The following TBCK variants were observed in gnomAD, a reference collection of about 807,000 sequenced individuals.
TBCK encodes TBC domain-containing protein kinase-like protein.
Under a neutral mutation model 113.4 loss-of-function variants are expected in TBCK, and 99 were observed. That is an observed-to-expected ratio of 0.87 (90% CI 0.74 to 1.03). TBCK has a LOEUF of 1.03. Among genes scored for constraint, TBCK ranks in the 50% least tolerant of loss-of-function variants. The pLI is 0.00. For synonymous variants in TBCK, 369 were observed against 370.8 expected, an observed-to-expected ratio of 1.00 and a Z score of 0.05; for missense variants, 1,045 against 1,061.3, an observed-to-expected ratio of 0.98 and a Z score of 0.21.
chr4:106,179,743 T>C (rs1311281851), intron 22 of TBCK, among the ~76,000 whole-genome samples: 1 of 152,074 alleles, frequency 6.6e-6, no homozygotes, highest in Non-Finnish European at 1.5e-5. Flanking sequence ...TCTGTAAATG[T>C]CTGTTAGGTC....
chr4:106,048,675 A>G (rs1186959910), intron 25 of TBCK, among the ~76,000 whole-genome samples: 1 of 152,162 alleles, frequency 6.6e-6, no homozygotes, highest in African/African-American at 2.4e-5. Context: ...ACATAACATT[A>G]CTGAAAAAGC....
intron 25 of TBCK, among the ~76,000 whole-genome samples, chr4:106,073,538 T>C (rs1737767737): frequency 6.6e-6 from 1 of 152,232 alleles, no homozygotes; most frequent in Non-Finnish European, 1.5e-5. Context: ...CAGCCCCTAC[T>C]GGGAGGTATC....
chr4:106,289,423 G>A (rs1181541871), intron 3 of TBCK, among the ~76,000 whole-genome samples: 1 of 152,106 alleles, frequency 6.6e-6, no homozygotes, highest in Non-Finnish European at 1.5e-5. Flanking sequence ...TAAACAAAGA[G>A]CAATAGTAGG....
chr4:106,267,469 C>T (rs1483277340), intron 3 of TBCK, among the ~76,000 whole-genome samples: 1 of 151,830 alleles, frequency 6.6e-6, no homozygotes, highest in Non-Finnish European at 1.5e-5. Context: ...GATTTACAAA[C>T]TGATAATTAT....
In TBCK at chr4:106,045,079, T is replaced by C; in HGVS notation, c.*1491A>G. The C allele has an allele frequency of 6.8e-6, 1 of 147,358 alleles. No individual in the cohort carries two copies. The highest frequency in any genetic ancestry group is 1.5e-5 in the Non-Finnish European group (1 of 67,242). The allele number at this position is 147,358 out of a possible 1,614,324, so 9.1% of individuals were successfully genotyped here. On this transcript the variant is annotated 3_prime_UTR_variant, in exon 26 of 26. Coordinates refer to ENST00000394708, the MANE Select transcript of TBCK (RefSeq NM_001163435.3). ...TTTCTTTTTTTTTTTTTTTTTGAGA[T>C]GGCAGGGTGAGCCCTGTTGCCCAGG...
chr4:106,247,544 C>T (rs1179448978), intron 9 of TBCK: 2 of 324,812 alleles, frequency 6.2e-6, no homozygotes, highest in Non-Finnish European at 1.1e-5. Flanking sequence ...AAAGCTTCTG[C>T]ATTGTTTACT....
rs935548039 is a variant in TBCK at position 106,137,571 on chromosome 4, A to C, written c.2236-21193T>G. ...TTTAAAACAATAAATTGTTTCAGTGACATTTTCAAGTTTTCATTTCTCCCT... is the reference window on the plus strand; with the variant it reads ...TTTAAAACAATAAATTGTTTCAGTGCCATTTTCAAGTTTTCATTTCTCCCT... On this transcript the variant is annotated intron_variant, in intron 23 of 25. Transcript: ENST00000394708. Among the ~76,000 whole-genome samples the C allele has an allele frequency of 2.1e-5, 3 of 140,736 alleles. 1 individual carries two copies. The highest frequency in any genetic ancestry group is 4.8e-5 in the Non-Finnish European group (3 of 61,998). 92.3% of individuals were successfully genotyped at this position (140,736 alleles called of 152,430 possible).
chr4:106,225,979 T>C (rs1261605364), intron 19 of TBCK, among the ~76,000 whole-genome samples: 1 of 151,900 alleles, frequency 6.6e-6, no homozygotes, highest in Non-Finnish European at 1.5e-5. Context: ...CTGGGGAACA[T>C]GGCCAAACTC....
At chr4:106,243,010 A>G (rs966877378) in intron 11 of TBCK, among the ~76,000 whole-genome samples, 4 of 151,700 alleles carry the variant, frequency 2.6e-5, no homozygotes, top group Non-Finnish European at 5.9e-5. Flanking sequence ...ATGATTTCCA[A>G]TTTCATCCAT....
Position 106,279,572 on chromosome 4 carries a change from T to C in TBCK, c.266+15522A>G, listed in dbSNP as rs1012137165. On this transcript the variant is annotated intron_variant, in intron 3 of 25. Coordinates refer to ENST00000394708, the MANE Select transcript of TBCK (RefSeq NM_001163435.3). ...CTTATTCATTCTAATTATGTTTTTG[T>C]ACTGATTGACTACCCCTATTTCATC... Among the ~76,000 whole-genome samples, 5 of 152,162 alleles carry C rather than the reference T, an allele frequency of 3.3e-5. 1 individual carries two copies. Among genetic ancestry groups the C allele is most frequent in the African/African-American group, 9.7e-5 (4 of 41,440 alleles).
intron 1 of TBCK, among the ~76,000 whole-genome samples, chr4:106,309,315 T>C (rs1336699887): frequency 9.5e-6 from 1 of 104,922 alleles, no homozygotes; most frequent in Non-Finnish European, 2.3e-5. Context: ...CTTTTTTTTT[T>C]TTTTTTTTTT....
chr4:106,222,505 C>G (rs1757817212), intron 19 of TBCK, among the ~76,000 whole-genome samples: 1 of 152,090 alleles, frequency 6.6e-6, no homozygotes, highest in South Asian at 2.1e-4. Flanking sequence ...TCAGCTTTGA[C>G]TCTTTTAGCT....
chr4:106,102,375 T>C (rs1046121559), intron 24 of TBCK, among the ~76,000 whole-genome samples: 1 of 152,152 alleles, frequency 6.6e-6, no homozygotes, highest in Non-Finnish European at 1.5e-5. Flanking sequence ...CCTGCAGGCT[T>C]TTTGTATTTT....
At chr4:106,286,247 G>A (rs1294193146) in intron 3 of TBCK, among the ~76,000 whole-genome samples, 1 of 152,070 alleles carries the variant, frequency 6.6e-6, no homozygotes, top group African/African-American at 2.4e-5. Flanking sequence ...AATGTAACTG[G>A]CATAAAAGAT....
chr4:106,119,930 G>T (rs145902678), intron 23 of TBCK, among the ~76,000 whole-genome samples: 190 of 152,280 alleles, frequency 1.2e-3, no homozygotes, highest in East Asian at 7.7e-3. Context: ...AATAAAGAGA[G>T]AAATGCAAAT....
At chr4:106,291,449 G>A (rs960134139) in intron 3 of TBCK, among the ~76,000 whole-genome samples, 1 of 152,214 alleles carries the variant, frequency 6.6e-6, no homozygotes, top group African/African-American at 2.4e-5. Context: ...CATTGTAACA[G>A]ATGATTCACA....
chr4:106,156,645 C>G (rs772425082), intron 23 of TBCK, among the ~76,000 whole-genome samples: 2 of 152,132 alleles, frequency 1.3e-5, no homozygotes, highest in Non-Finnish European at 2.9e-5. Context: ...ACCCTATGAC[C>G]ACCATCACAA....
intron 23 of TBCK, among the ~76,000 whole-genome samples, chr4:106,120,171 G>A (rs200303480): frequency 1.3e-5 from 2 of 152,140 alleles, no homozygotes; most frequent in South Asian, 4.2e-4. Context: ...AAGGGGTCAG[G>A]GAGTTCCCTT....
chr4:106,300,714 TA>T (rs1039952066), intron 2 of TBCK, among the ~76,000 whole-genome samples: 2 of 152,194 alleles, frequency 1.3e-5, no homozygotes, highest in Non-Finnish European at 2.9e-5. Context: ...AATTATTTTG[TA>T]AATGAGTAAA....
Sources: gnomAD v4.1 joint callset for allele counts (sites outside exome capture counted in the v4.1 genomes callset) on GRCh38, gnomAD v4.1.1 for gene constraint, MANE v1.5 for transcripts, NCBI Gene and HGNC (gene_info 2026-07-23, HGNC 2026-07-21) for gene names.